KCTD20: variants seen among roughly 807,000 people sequenced by gnomAD.
The protein encoded by KCTD20 is BTB/POZ domain-containing protein KCTD20.
KCTD20 carries 30 observed loss-of-function variants against 39.6 expected under a neutral mutation model. That is an observed-to-expected ratio of 0.76 (90% CI 0.57 to 1.03). The LOEUF is 1.03. KCTD20 is among the 50% of genes least tolerant of loss of function. The probability of loss-of-function intolerance (pLI) is 0.00; values close to 1 mark genes in which losing one functional copy is unlikely to be tolerated. For synonymous variants in KCTD20, 162 were observed against 180.6 expected (o/e 0.90, Z 0.83); for missense variants, 422 against 522.0 (o/e 0.81, Z 1.87).
At chr6:36,453,395 A>G (rs1217997963) in intron 1 of KCTD20, among the ~76,000 whole-genome samples, 1 of 151,946 alleles carries the variant, frequency 6.6e-6, no homozygotes, top group Non-Finnish European at 1.5e-5. Flanking sequence ...TTTCTTTTAC[A>G]TTAATTTCTG....
intron 1 of KCTD20, among the ~76,000 whole-genome samples, chr6:36,465,427 A>G (rs1775720871): frequency 6.9e-6 from 1 of 145,744 alleles, no homozygotes; most frequent in Non-Finnish European, 1.5e-5. Flanking sequence ...ATGGTAGGAT[A>G]TTGAATTTAT....
chr6:36,478,995 T>A, intron 3 of KCTD20, 126 bp from the exon 4 acceptor site: 1 of 645,198 alleles, frequency 1.5e-6, no homozygotes, highest in Non-Finnish European at 2.7e-6. Flanking sequence ...GTTCCAGTGC[T>A]GTGTTTTTAA....
At chr6:36,462,489 G>A (rs542396417) in intron 1 of KCTD20, among the ~76,000 whole-genome samples, 97 of 152,274 alleles carry the variant, frequency 6.4e-4, no homozygotes, top group African/African-American at 2.2e-3. Flanking sequence ...CTTGAGGAGC[G>A]TGTTACAAGT....
At chr6:36,453,702 G>A (rs76174038) in intron 1 of KCTD20, among the ~76,000 whole-genome samples, 3 of 151,606 alleles carry the variant, frequency 2.0e-5, no homozygotes, top group African/African-American at 2.4e-5. Context: ...TAGTAGAGAC[G>A]TTTCTTGATG....
intron 1 of KCTD20, among the ~76,000 whole-genome samples, chr6:36,455,177 G>A (rs1775394940): frequency 6.6e-6 from 1 of 151,868 alleles, no homozygotes; most frequent in African/African-American, 2.4e-5. Flanking sequence ...GGAGGCTGAG[G>A]TGGGCGGATC....
chr6:36,481,517 T>C (rs760159702), intron 5 of KCTD20, 45 bp from the exon 6 acceptor site: 3 of 1,400,966 alleles, frequency 2.1e-6, no homozygotes, highest in African/African-American at 1.4e-5. Context: ...CAGTAATATG[T>C]GCATTTAGGC....
intron 1 of KCTD20, among the ~76,000 whole-genome samples, chr6:36,447,897 A>G (rs1775100423): frequency 6.6e-6 from 1 of 151,404 alleles, no homozygotes; most frequent in Non-Finnish European, 1.5e-5. Context: ...AGGCCAGGGC[A>G]GGTGGATCGA....
chr6:36,447,715 G>A (rs1054267095), intron 1 of KCTD20, among the ~76,000 whole-genome samples: 55 of 151,942 alleles, frequency 3.6e-4, no homozygotes, highest in African/African-American at 1.1e-3. Context: ...TTCATGGTGG[G>A]TGCTGTAGCT....
At chr6:36,454,837 G>A (rs1305632247) in intron 1 of KCTD20, among the ~76,000 whole-genome samples, 1 of 150,854 alleles carries the variant, frequency 6.6e-6, no homozygotes, top group African/African-American at 2.4e-5. Context: ...TAGAATTGGG[G>A]TTTCACCATG....
chr6:36,463,531 T>C (rs975179611), intron 1 of KCTD20, among the ~76,000 whole-genome samples: 3 of 152,220 alleles, frequency 2.0e-5, no homozygotes, highest in African/African-American at 7.2e-5. Flanking sequence ...GGTTTGAATG[T>C]ATATGTCCCT....
At position 36,487,367 on chromosome 6, in the gene KCTD20, G is replaced by A. The variant is rs1338786005; in HGVS notation, c.*192G>A. The A allele has an allele frequency of 1.7e-6, 1 of 593,576 alleles. No homozygotes were observed. Among genetic ancestry groups the A allele is most frequent in the Non-Finnish European group, 2.9e-6 (1 of 346,602 alleles). 36.8% of individuals were successfully genotyped at this position (593,576 alleles called of 1,614,324 possible). A position where few individuals can be genotyped will look rare whatever the true frequency, so the allele number is the denominator to read the frequency against. On this transcript the variant is annotated 3_prime_UTR_variant, in exon 8 of 8. Coordinates refer to ENST00000373731, the MANE Select transcript of KCTD20 (RefSeq NM_173562.5). ...GGCAGGGGATGAAGAAGTACTCACT[G>A]GTAATTAGCTACCATCTTTGCAGCA... is the stretch of plus-strand genomic sequence containing the variant.
intron 1 of KCTD20, among the ~76,000 whole-genome samples, chr6:36,445,860 C>G (rs1255157914): frequency 6.6e-6 from 1 of 151,846 alleles, no homozygotes; most frequent in African/African-American, 2.4e-5. Context: ...ATTATCTTAT[C>G]TGGAAAAATG....
chr6:36,480,410 CTTTT>C (rs550520667), intron 5 of KCTD20, among the ~76,000 whole-genome samples: 121 of 121,772 alleles, frequency 9.9e-4, no homozygotes, highest in Middle Eastern at 4.5e-3. Context: ...ATGATATTGC[CTTTT>C]TTTTTTTTTT....
chr6:36,479,809 T>G (rs1029268851), intron 5 of KCTD20, 98 bp downstream of exon 5: 15 of 691,704 alleles, frequency 2.2e-5, no homozygotes, highest in East Asian at 1.0e-4. Context: ...TTTTTTTTTT[T>G]GAGACAGAGT....
intron 1 of KCTD20, among the ~76,000 whole-genome samples, chr6:36,455,953 T>A (rs1184099879): frequency 6.6e-6 from 1 of 152,210 alleles, no homozygotes; most frequent in African/African-American, 2.4e-5. Context: ...AACGGGACTG[T>A]AGCCTAGCCA....
intron 5 of KCTD20, among the ~76,000 whole-genome samples, chr6:36,480,308 C>G (rs538739493): frequency 6.6e-6 from 1 of 151,810 alleles, no homozygotes; most frequent in African/African-American, 2.4e-5. Flanking sequence ...TTTGGTGTCT[C>G]GACTCTAACA....
intron 1 of KCTD20, among the ~76,000 whole-genome samples, chr6:36,446,906 G>A (rs1417335041): frequency 6.6e-6 from 1 of 152,140 alleles, no homozygotes; most frequent in Admixed American, 6.6e-5. Flanking sequence ...TTCTATACCA[G>A]CCACTTACTA....
intron 6 of KCTD20, among the ~76,000 whole-genome samples, chr6:36,484,101 A>G (rs768015181): frequency 9.2e-5 from 14 of 151,856 alleles, no homozygotes; most frequent in Non-Finnish European, 1.8e-4. Flanking sequence ...CACTATGCCT[A>G]ATTTTTCTAT....
chr6:36,465,220 C>T (rs936451665), intron 1 of KCTD20, among the ~76,000 whole-genome samples: 12 of 149,448 alleles, frequency 8.0e-5, no homozygotes, highest in African/African-American at 2.5e-4. Context: ...TGCTTGAACC[C>T]GGGAGGCAGA....
Sources: gnomAD v4.1 joint callset for allele counts (sites outside exome capture counted in the v4.1 genomes callset) on GRCh38, gnomAD v4.1.1 for gene constraint, MANE v1.5 for transcripts, NCBI Gene and HGNC (gene_info 2026-07-23, HGNC 2026-07-21) for gene names.